Variants in GRK2 observed in about 807,000 individuals in gnomAD.
The protein encoded by GRK2 is G protein-coupled receptor kinase 2.
GRK2 carries 23 observed loss-of-function variants against 97.8 expected under a neutral mutation model. That is an observed-to-expected ratio of 0.24 (90% CI 0.17 to 0.33). The LOEUF (loss-of-function observed/expected upper bound fraction) is 0.33. Ranked by LOEUF, GRK2 falls within the 10% of genes least tolerant of loss-of-function variation. GRK2 has a pLI of 1.00. For synonymous variants in GRK2, 425 were observed against 381.7 expected (o/e 1.11, Z -1.32); for missense variants, 633 against 956.9 (o/e 0.66, Z 4.47).
In GRK2 at chr11:67,285,393, CGTG is replaced by C; in HGVS notation, c.2018_2020del (p.Val673del). The C allele has an allele frequency of 3.7e-6, 6 of 1,608,524 alleles. No homozygotes were observed. The highest frequency in any genetic ancestry group is 5.1e-6 in the Non-Finnish European group (6 of 1,178,408). ...AGATGAAGAACAAGCCGCGCTCGCC[CGTG>C]GTGGAGCTGAGCAAGGTGCCGCTGG... On this transcript the variant is annotated inframe_deletion, in exon 21 of 21. Coordinates refer to ENST00000308595, the MANE Select transcript of GRK2 (RefSeq NM_001619.5).
chr11:67,285,269 G>T lies in GRK2; in HGVS notation c.1906-17G>T. 1 of 1,609,098 alleles carries T rather than the reference G, an allele frequency of 6.2e-7. No homozygotes were observed. The highest frequency in any genetic ancestry group is 1.3e-5 in the African/African-American group (1 of 75,018). On this transcript the variant is annotated splice_polypyrimidine_tract_variant and intron_variant, in intron 20 of 20. Transcript: ENST00000308595. ...GGGGAGAGCCCCAGCTGACAGAGCT[G>T]GGCTTGGCATGTGCAGAGCGACCCT...
Position 67,280,750 on chromosome 11 carries a change from T to G in GRK2, c.522T>G (p.Phe174Leu), listed in dbSNP as rs1297416384. Reference protein sequence around the residue: ...KFIESDKFTRFCQWKNVELNI... With the variant: ...KFIESDKFTRLCQWKNVELNI... ...TTTCCAGCGATAAGTTCACACGGTT[T>G]TGCCAGTGGAAGAATGTGGAGCTCA... The change falls in exon 7 of 21, where the codon TTT becomes TTG. Residue 174 changes from phenylalanine to leucine, a missense_variant. By Grantham distance (22) the Phe-to-Leu change is conservative. Coordinates refer to ENST00000308595, the MANE Select transcript of GRK2 (RefSeq NM_001619.5). 6.2e-7 allele frequency: 1 copy of G among 1,614,090 alleles called. No homozygotes were observed. Among genetic ancestry groups the G allele is most frequent in the South Asian group, 1.1e-5 (1 of 91,086 alleles).
rs368782127 is a variant in GRK2 at position 67,266,832 on chromosome 11, G to A, written c.113+20G>A. 2 of 1,192,042 alleles carry A rather than the reference G, an allele frequency of 1.7e-6. No individual in the cohort carries two copies. Among genetic ancestry groups the A allele is most frequent in the Admixed American group, 4.4e-5 (1 of 22,696 alleles). 73.8% of individuals were successfully genotyped at this position (1,192,042 alleles called of 1,614,324 possible). On this transcript the variant is annotated intron_variant, in intron 1 of 20. Coordinates refer to ENST00000308595, the MANE Select transcript of GRK2 (RefSeq NM_001619.5). ...GCCCAGGTGAGGAGAAGCTGCCCGC[G>A]GCCCCGGCCCGACCCCGCGGGCGCC...
intron 1 of GRK2, 57 bp downstream of exon 1, chr11:67,266,869 C>A: frequency 1.1e-6 from 1 of 888,666 alleles, no homozygotes; most frequent in Non-Finnish European, 1.5e-6. Flanking sequence ...CGGCCGCGGC[C>A]CCGAGACCCT....
Position 67,282,989 on chromosome 11 carries a change from G to T in GRK2, c.1228-139G>T. 1 of 1,165,886 alleles carries T rather than the reference G, an allele frequency of 8.6e-7. No individual in the cohort carries two copies. Among genetic ancestry groups the T allele is most frequent in the East Asian group, 2.4e-5 (1 of 42,348 alleles). The allele number at this position is 1,165,886 out of a possible 1,614,324, so 72.2% of individuals were successfully genotyped here. On this transcript the variant is annotated intron_variant, in intron 14 of 20. Coordinates refer to ENST00000308595, the MANE Select transcript of GRK2 (RefSeq NM_001619.5). This position sits in a 1 kb window ranked among gnomAD's most constrained non-coding sequence, Gnocchi z 6.9. ...AGGCTCTCGCCCTCCCCGTGCTGTT[G>T]GAGCATGACTGCTGGGCGAGCTAGG...
rs1189308952 is a variant in GRK2 at position 67,282,247 on chromosome 11, C to T, written c.958-24C>T. Reference sequence around the variant, plus strand: ...GGGCCCCATCCTGAGCTGCCCCAGGCAGCTCACTGGGCTTCCTTCACAGCC... The same window carrying T: ...GGGCCCCATCCTGAGCTGCCCCAGGTAGCTCACTGGGCTTCCTTCACAGCC... On this transcript the variant is annotated intron_variant, in intron 11 of 20. Transcript: ENST00000308595. The surrounding 1 kb of genome is among the most constrained non-coding windows in gnomAD (Gnocchi z 6.9). 4 of 1,609,722 alleles carry T rather than the reference C, an allele frequency of 2.5e-6. No homozygotes were observed. The highest frequency in any genetic ancestry group is 3.4e-6 in the Non-Finnish European group (4 of 1,177,030).
chr11:67,285,635 C>T lies in GRK2; in HGVS notation c.*185C>T, dbSNP rs546350695. 18 of 717,600 alleles carry T rather than the reference C, an allele frequency of 2.5e-5. No homozygotes were observed. The highest frequency in any genetic ancestry group is 6.8e-5 in the Admixed American group (2 of 29,422). The allele number at this position is 717,600 out of a possible 1,614,324, so 44.5% of individuals were successfully genotyped here. A position where few individuals can be genotyped will look rare whatever the true frequency, so the allele number is the denominator to read the frequency against. On this transcript the variant is annotated 3_prime_UTR_variant, in exon 21 of 21. Coordinates refer to ENST00000308595, the MANE Select transcript of GRK2 (RefSeq NM_001619.5). Reference sequence around the variant, plus strand: ...CTGCTGCACCAACCCAGCCGCTGCCCGGCGCCCTCTGTCCTGACTTCAGGG... The same window carrying T: ...CTGCTGCACCAACCCAGCCGCTGCCTGGCGCCCTCTGTCCTGACTTCAGGG...
intron 16 of GRK2, 21 bp from the exon 17 acceptor site, chr11:67,283,833 A>G (rs373967475): frequency 6.1e-5 from 99 of 1,612,572 alleles, no homozygotes; most frequent in Non-Finnish European, 7.9e-5. Flanking sequence ...GCTAATGCCC[A>G]TGACCCCTGT....
In GRK2 at chr11:67,281,008, G is replaced by T; in HGVS notation, c.556-85G>T. ...ACATGGGTATGGGGACCCTGGCATG[G>T]GGCCAGCCCCTGCTGCCCAGGTGCC... On this transcript the variant is annotated intron_variant, in intron 7 of 20. Coordinates refer to ENST00000308595, the MANE Select transcript of GRK2 (RefSeq NM_001619.5). This position sits in a 1 kb window ranked among gnomAD's most constrained non-coding sequence, Gnocchi z 5.7. 7.8e-7 allele frequency: 1 copy of T among 1,289,394 alleles called. No individual in the cohort carries two copies. Among genetic ancestry groups the T allele is most frequent in the Admixed American group, 2.0e-5 (1 of 50,312 alleles). 79.9% of individuals were successfully genotyped at this position (1,289,394 alleles called of 1,614,324 possible).
Position 67,277,261 on chromosome 11 carries a change from CT to C in GRK2, c.114-10del, listed in dbSNP as rs764749108. The C allele has an allele frequency of 6.2e-6, 10 of 1,613,190 alleles. No individual in the cohort carries two copies. Among genetic ancestry groups the C allele is most frequent in the Non-Finnish European group, 7.6e-6 (9 of 1,179,794 alleles). ...GGGGGCTTCTGCTTACTGCGCCCCC[CT>C]GACCCACAGCATCCGCAGTGTCATG... On this transcript the variant is annotated splice_polypyrimidine_tract_variant and intron_variant, in intron 1 of 20. Transcript: ENST00000308595.
At position 67,269,711 on chromosome 11, in the gene GRK2, T is replaced by G. The variant is rs1859869621; in HGVS notation, c.113+2899T>G. Among the ~76,000 whole-genome samples, 1 of 152,218 alleles carries G rather than the reference T, an allele frequency of 6.6e-6. No individual in the cohort carries two copies. Among genetic ancestry groups the G allele is most frequent in the Non-Finnish European group, 1.5e-5 (1 of 68,034 alleles). On this transcript the variant is annotated intron_variant, in intron 1 of 20. Transcript: ENST00000308595. The surrounding 1 kb of genome is among the most constrained non-coding windows in gnomAD (Gnocchi z 4.1). ...CAAGGTCAGAGTCAGGGAGAGGGGC[T>G]GTGGCTTGTCCCAGTGACAGGTTGC...
chr11:67,274,114 G>A (rs936649456), intron 1 of GRK2, among the ~76,000 whole-genome samples: 8 of 150,600 alleles, frequency 5.3e-5, no homozygotes, highest in Non-Finnish European at 1.5e-5. Flanking sequence ...CAGGGTTCAA[G>A]CGATTCTTCT....
chr11:67,269,058 C>T lies in GRK2; in HGVS notation c.113+2246C>T, dbSNP rs566907344. ...GAGGTGCGAGCGCCGAATGTCAGTG[C>T]GCTAAGGCCTGGGAAGGGCTACTGG... On this transcript the variant is annotated intron_variant, in intron 1 of 20. Coordinates refer to ENST00000308595, the MANE Select transcript of GRK2 (RefSeq NM_001619.5). This position sits in a 1 kb window ranked among gnomAD's most constrained non-coding sequence, Gnocchi z 4.1. Among the ~76,000 whole-genome samples, 335 of 152,320 alleles carry T rather than the reference C, an allele frequency of 2.2e-3. 1 individual carries two copies. Among genetic ancestry groups the T allele is most frequent in the Middle Eastern group, 3.4e-3 (1 of 294 alleles).
intron 1 of GRK2, among the ~76,000 whole-genome samples, chr11:67,270,004 G>T (rs1024176852): frequency 6.6e-5 from 10 of 152,164 alleles, no homozygotes; most frequent in African/African-American, 1.2e-4. Context: ...GTATCTGGAA[G>T]ATGGGAGGTC....
At chr11:67,275,541 T>C (rs897453047) in intron 1 of GRK2, among the ~76,000 whole-genome samples, 21 of 151,244 alleles carry the variant, frequency 1.4e-4, no homozygotes, top group African/African-American at 4.6e-4. Context: ...GCGCCTCCAG[T>C]GGAGTCGGGC....
intron 1 of GRK2, chr11:67,270,946 TGAC>T (rs1289015249): frequency 6.6e-6 from 1 of 152,214 alleles, no homozygotes; most frequent in East Asian, 1.9e-4. Flanking sequence ...AAGTTCCCGG[TGAC>T]GTCAGGTACA....
rs758888904 is a variant in GRK2 at position 67,285,288 on chromosome 11, C to T, written c.1908C>T (p.Ser636=). The change falls in exon 21 of 21, where the codon AGC becomes AGT. Residue 636 remains serine, a splice_region_variant and synonymous_variant. Coordinates refer to ENST00000308595, the MANE Select transcript of GRK2 (RefSeq NM_001619.5). ...AGAGCTGGGCTTGGCATGTGCAGAG[C>T]GACCCTGAGCTGGTGCAGTGGAAGA... The part of the protein sequence containing the change: ...GGKQFILQCD[S]DPELVQWKKE... 8 of 1,606,970 alleles carry T rather than the reference C, an allele frequency of 5.0e-6. No individual in the cohort carries two copies. Among genetic ancestry groups the T allele is most frequent in the Admixed American group, 1.7e-5 (1 of 59,616 alleles).
chr11:67,266,651 A>AGCGGCG lies in GRK2; in HGVS notation c.-29_-24dup, dbSNP rs759489796. On this transcript the variant is annotated 5_prime_UTR_variant, in exon 1 of 21. Coordinates refer to ENST00000308595, the MANE Select transcript of GRK2 (RefSeq NM_001619.5). ...CCGGGCCGAGCGCCGAGCGAGCAGGAGCGGCGGCGGCGGCGGCGGCGGCGG... is the reference window on the plus strand; with the variant it reads ...CCGGGCCGAGCGCCGAGCGAGCAGGAGCGGCGGCGGCGGCGGCGGCGGCGGCGGCGG... 1,006 of 857,594 alleles carry AGCGGCG rather than the reference A, an allele frequency of 1.2e-3. 2 individuals are homozygous for AGCGGCG. The highest frequency in any genetic ancestry group is 2.0e-3 in the Admixed American group (33 of 16,394). 53.1% of individuals were successfully genotyped at this position (857,594 alleles called of 1,614,324 possible). A position where few individuals can be genotyped will look rare whatever the true frequency, so the allele number is the denominator to read the frequency against.
chr11:67,268,741 G>A (rs1173379867), intron 1 of GRK2, among the ~76,000 whole-genome samples: 3 of 152,194 alleles, frequency 2.0e-5, no homozygotes, highest in Admixed American at 6.5e-5. Flanking sequence ...TAGTGATGGC[G>A]GTGATAGCAA....
Sources: allele counts gnomAD v4.1 joint callset (sites outside exome capture counted in the v4.1 genomes callset), GRCh38; gene constraint gnomAD v4.1.1; non-coding constraint Gnocchi (gnomAD v3.1); transcripts MANE v1.5; gene names NCBI Gene and HGNC (gene_info 2026-07-23, HGNC 2026-07-21).